IGBP1C: variants seen among roughly 807,000 people sequenced by gnomAD.
IGBP1C encodes immunoglobulin-binding protein 1 family member C.
the IGBP1C span, among the ~76,000 whole-genome samples, chr17:58,665,496 T>C: frequency 1.3e-5 from 2 of 152,118 alleles, no homozygotes; most frequent in South Asian, 4.2e-4. Flanking sequence ...ACTCTGAGGC[T>C]GAGGCATGAG....
At chr17:58,683,819 C>A in the IGBP1C span, among the ~76,000 whole-genome samples, 53 of 151,378 alleles carry the variant, frequency 3.5e-4, no homozygotes, top group African/African-American at 1.2e-3. Context: ...GTAATCCCAG[C>A]ACTTTGGGAG....
chr17:58,674,495 C>A, the IGBP1C span, among the ~76,000 whole-genome samples: 1 of 151,954 alleles, frequency 6.6e-6, no homozygotes, highest in East Asian at 1.9e-4. Flanking sequence ...CGTGGCGAAA[C>A]CCCGTCTCTA....
the IGBP1C span, among the ~76,000 whole-genome samples, chr17:58,690,660 C>A: frequency 6.6e-6 from 1 of 152,106 alleles, no homozygotes; most frequent in Non-Finnish European, 1.5e-5. Context: ...ATCCACTGAG[C>A]GCTCAAATAT....
chr17:58,682,654 G>T, the IGBP1C span, among the ~76,000 whole-genome samples: 1 of 151,232 alleles, frequency 6.6e-6, no homozygotes, highest in Non-Finnish European at 1.5e-5. Flanking sequence ...GATTATAGGC[G>T]TGAGCCACCA....
the IGBP1C span, chr17:58,661,272 G>A: frequency 1.2e-6 from 1 of 804,494 alleles, no homozygotes; most frequent in East Asian, 2.4e-5. Context: ...TTTATAAAGT[G>A]TTCGCGAGCC....
the IGBP1C span, among the ~76,000 whole-genome samples, chr17:58,683,052 C>CAAAAAA: frequency 3.7e-5 from 2 of 54,036 alleles, no homozygotes; most frequent in African/African-American, 6.8e-5. Flanking sequence ...GAGTCTGTCT[C>CAAAAAA]AAAAAAAAAA....
the IGBP1C span, among the ~76,000 whole-genome samples, chr17:58,664,013 G>A: frequency 2.0e-5 from 3 of 152,180 alleles, no homozygotes; most frequent in Non-Finnish European, 4.4e-5. Context: ...AGCCTAGTGA[G>A]AGTGAGACCC....
chr17:58,673,387 G>A, the IGBP1C span, among the ~76,000 whole-genome samples: 3 of 151,788 alleles, frequency 2.0e-5, no homozygotes, highest in African/African-American at 7.3e-5. Flanking sequence ...GGAGGCTGAG[G>A]CAGGAAAATC....
chr17:58,687,308 GA>G, the IGBP1C span, among the ~76,000 whole-genome samples: 3 of 152,044 alleles, frequency 2.0e-5, no homozygotes, highest in African/African-American at 7.2e-5. Flanking sequence ...AATAAATACA[GA>G]AGGCTGTGTA....
chr17:58,679,376 A>T, the IGBP1C span, among the ~76,000 whole-genome samples: 1 of 152,184 alleles, frequency 6.6e-6, no homozygotes, highest in African/African-American at 2.4e-5. Flanking sequence ...ACCAACCACG[A>T]GGGGTGTGAG....
the IGBP1C span, among the ~76,000 whole-genome samples, chr17:58,689,454 C>A: frequency 6.6e-6 from 1 of 151,966 alleles, no homozygotes; most frequent in Non-Finnish European, 1.5e-5. Flanking sequence ...CTCTTGACCT[C>A]ATGATCCACC....
the IGBP1C span, among the ~76,000 whole-genome samples, chr17:58,674,186 G>C: frequency 1.3e-5 from 2 of 151,820 alleles, no homozygotes; most frequent in African/African-American, 2.4e-5. Context: ...TAAGGCAGGG[G>C]AATTGCTTGA....
chr17:58,672,132 A>G, the IGBP1C span, among the ~76,000 whole-genome samples: 1 of 152,092 alleles, frequency 6.6e-6, no homozygotes, highest in Non-Finnish European at 1.5e-5. Flanking sequence ...TCAGTTCACA[A>G]TAGGTTTCAC....
the IGBP1C span, among the ~76,000 whole-genome samples, chr17:58,676,074 C>T: frequency 6.6e-6 from 1 of 152,190 alleles, no homozygotes; most frequent in South Asian, 2.1e-4. Context: ...ACCCTCTCTA[C>T]TAAAACATAA....
At chr17:58,669,933 G>A in the IGBP1C span, among the ~76,000 whole-genome samples, 3 of 151,966 alleles carry the variant, frequency 2.0e-5, no homozygotes, top group Admixed American at 1.3e-4. Flanking sequence ...TCCATCCCAC[G>A]CTCCTTGAGG....
the IGBP1C span, among the ~76,000 whole-genome samples, chr17:58,669,773 G>A: frequency 6.8e-6 from 1 of 146,360 alleles, no homozygotes; most frequent in Non-Finnish European, 1.5e-5. Flanking sequence ...AACAGCTTGA[G>A]ACTTCATTGA....
the IGBP1C span, among the ~76,000 whole-genome samples, chr17:58,673,878 A>G: frequency 6.6e-6 from 1 of 152,280 alleles, no homozygotes; most frequent in East Asian, 1.9e-4. Context: ...TCTCTCCTTC[A>G]TATTATAGTT....
the IGBP1C span, among the ~76,000 whole-genome samples, chr17:58,670,024 G>A: frequency 7.2e-5 from 11 of 152,106 alleles, no homozygotes; most frequent in Non-Finnish European, 1.2e-4. Context: ...AGCTACAGCC[G>A]CAGCCTCTTT....
At chr17:58,690,460 C>T in the IGBP1C span, among the ~76,000 whole-genome samples, 3 of 152,196 alleles carry the variant, frequency 2.0e-5, no homozygotes, top group Admixed American at 2.0e-4. Context: ...GCCACTGTGC[C>T]AGGCCAAAGT....
Sources: gnomAD v4.1 joint callset for allele counts (sites outside exome capture counted in the v4.1 genomes callset) on GRCh38, gnomAD v4.1.1 for gene constraint, MANE v1.5 for transcripts, NCBI Gene and HGNC (gene_info 2026-07-23, HGNC 2026-07-21) for gene names.